Variants in PCDH15 observed in about 807,000 individuals in gnomAD.
PCDH15 encodes protocadherin-15.
In PCDH15, 129 loss-of-function variants were observed where a neutral mutation model predicts 178.5. The ratio of observed to expected loss-of-function variants is 0.72; its 90% confidence interval spans 0.63 to 0.84. The LOEUF is 0.84. PCDH15 is among the 40% of genes least tolerant of loss of function. The pLI is 0.00. For missense variants in PCDH15, 2,230 were observed against 2,099.9 expected (o/e 1.06, Z -1.21); for synonymous variants, 800 against 732.0 (o/e 1.09, Z -1.50).
chr10:54,409,335 C>A (rs762082836), intron 3 of PCDH15, among the ~76,000 whole-genome samples: 1 of 152,090 alleles, frequency 6.6e-6, no homozygotes, highest in Non-Finnish European at 1.5e-5. Context: ...TCTATTTCTT[C>A]CACCCTTTCA....
At chr10:55,548,259 T>C (rs997781462) in intron 2 of PCDH15, among the ~76,000 whole-genome samples, 31 of 142,054 alleles carry the variant, frequency 2.2e-4, no homozygotes, top group African/African-American at 8.1e-4. Context: ...CACACAAACA[T>C]GATCCTAATG....
chr10:53,992,955 G>C (rs192807763), intron 21 of PCDH15, among the ~76,000 whole-genome samples: 73 of 152,240 alleles, frequency 4.8e-4, no homozygotes, highest in African/African-American at 1.6e-3. Context: ...CTGGCTTTCA[G>C]AGTTTTTCCA....
At chr10:55,366,946 T>TG (rs1266090382) in intron 2 of PCDH15, among the ~76,000 whole-genome samples, 2 of 151,956 alleles carry the variant, frequency 1.3e-5, no homozygotes, top group Non-Finnish European at 2.9e-5. Flanking sequence ...TGTGTGTGTT[T>TG]CACTTGCTTG....
At chr10:53,902,440 T>C (rs935397440) in intron 26 of PCDH15, among the ~76,000 whole-genome samples, 3 of 152,118 alleles carry the variant, frequency 2.0e-5, no homozygotes, top group African/African-American at 7.2e-5. Context: ...GTTTAGGTTT[T>C]ATGTGCAATT....
At chr10:54,253,907 G>A (rs1281211927) in intron 8 of PCDH15, among the ~76,000 whole-genome samples, 1 of 151,928 alleles carries the variant, frequency 6.6e-6, no homozygotes, top group African/African-American at 2.4e-5. Context: ...AGATGTTAAT[G>A]TCATTTTCCA....
intron 2 of PCDH15, among the ~76,000 whole-genome samples, chr10:55,106,127 A>G (rs1442258261): frequency 1.3e-5 from 2 of 152,120 alleles, no homozygotes; most frequent in Admixed American, 1.3e-4. Context: ...ATCCAGTGAC[A>G]TGCTACAGCT....
At chr10:53,821,771 G>C in intron 32 of PCDH15, 2 of 1,579,574 alleles carry the variant, frequency 1.3e-6, no homozygotes, top group Non-Finnish European at 1.7e-6. Flanking sequence ...TAAAATAATA[G>C]AGTCTTCTTT....
chr10:55,465,698 A>G (rs1839817102), intron 2 of PCDH15, among the ~76,000 whole-genome samples: 1 of 152,144 alleles, frequency 6.6e-6, no homozygotes, highest in African/African-American at 2.4e-5. Context: ...TGTCTTGAGT[A>G]TTTGCCCGGA....
At chr10:54,128,215 C>T (rs888510503) in intron 15 of PCDH15, among the ~76,000 whole-genome samples, 14 of 152,190 alleles carry the variant, frequency 9.2e-5, no homozygotes, top group African/African-American at 3.1e-4. Flanking sequence ...GGAATTCTAA[C>T]GTATCTTTTA....
chr10:54,176,224 TA>T (rs2047420215), intron 13 of PCDH15, among the ~76,000 whole-genome samples: 4 of 152,298 alleles, frequency 2.6e-5, no homozygotes, highest in Admixed American at 2.0e-4. Flanking sequence ...CACTCGTGGT[TA>T]GATCATTAAA....
intron 15 of PCDH15, among the ~76,000 whole-genome samples, chr10:54,120,667 C>T (rs557864684): frequency 2.0e-5 from 3 of 152,032 alleles, no homozygotes; most frequent in African/African-American, 4.8e-5. Context: ...ATTAAACTAA[C>T]AACACTAAAA....
intron 3 of PCDH15, among the ~76,000 whole-genome samples, chr10:54,835,479 C>T (rs1361441756): frequency 3.3e-5 from 5 of 151,938 alleles, no homozygotes; most frequent in African/African-American, 1.2e-4. Context: ...ATATAATTTC[C>T]ATAAGTATAC....
intron 1 of PCDH15, among the ~76,000 whole-genome samples, chr10:55,223,194 G>T (rs994471663): frequency 3.3e-5 from 5 of 151,968 alleles, no homozygotes; most frequent in Admixed American, 1.3e-4. Flanking sequence ...GCCACAACTG[G>T]CTAATAGCTA....
At chr10:54,554,436 A>G (rs1344719498) in intron 2 of PCDH15, among the ~76,000 whole-genome samples, 5 of 152,188 alleles carry the variant, frequency 3.3e-5, no homozygotes, top group Admixed American at 1.3e-4. Flanking sequence ...TATGTTAGTA[A>G]GAAAATTAAT....
chr10:54,002,064 C>CATACAT (rs2092171920), intron 20 of PCDH15, among the ~76,000 whole-genome samples: 1 of 35,028 alleles, frequency 2.9e-5, no homozygotes, highest in African/African-American at 1.9e-4. Flanking sequence ...TATATATATA[C>CATACAT]ATGTATATAT....
intron 1 of PCDH15, among the ~76,000 whole-genome samples, chr10:54,726,103 C>A (rs1476697968): frequency 1.3e-5 from 2 of 151,556 alleles, no homozygotes; most frequent in South Asian, 2.1e-4. Context: ...TATTTAAATT[C>A]TCCCTCCCCT....
At chr10:54,190,134 C>T (rs1028966060) in intron 11 of PCDH15, among the ~76,000 whole-genome samples, 9 of 152,064 alleles carry the variant, frequency 5.9e-5, no homozygotes, top group Non-Finnish European at 1.3e-4. Context: ...AATGTGGCTT[C>T]ACTTTCCACT....
chr10:54,015,217 A>G (rs900773013), intron 20 of PCDH15, among the ~76,000 whole-genome samples: 1 of 152,236 alleles, frequency 6.6e-6, no homozygotes, highest in South Asian at 2.1e-4. Context: ...AAAAATCTCT[A>G]CAATGAGAAT....
intron 2 of PCDH15, among the ~76,000 whole-genome samples, chr10:54,560,447 TG>T (rs1339840511): frequency 1.3e-5 from 2 of 152,114 alleles, no homozygotes; most frequent in Non-Finnish European, 2.9e-5. Context: ...ATATTTAGAT[TG>T]TTTTTTGTCA....
Sources: allele counts gnomAD v4.1 joint callset (sites outside exome capture counted in the v4.1 genomes callset), GRCh38; gene constraint gnomAD v4.1.1; transcripts MANE v1.5; gene names NCBI Gene and HGNC (gene_info 2026-07-23, HGNC 2026-07-21).